Variants in BRSK2 observed in about 807,000 individuals in gnomAD.
BRSK2 encodes serine/threonine-protein kinase BRSK2.
Under a neutral mutation model 83.3 loss-of-function variants are expected in BRSK2, and 19 were observed. The ratio of observed to expected loss-of-function variants is 0.23; its 90% CI spans 0.16 to 0.33. The LOEUF (loss-of-function observed/expected upper bound fraction) is 0.33. Ranked by LOEUF, BRSK2 falls within the 10% of genes least tolerant of loss-of-function variation. The pLI is 1.00. For missense variants in BRSK2, 798 were observed against 1,042.3 expected, an observed-to-expected ratio of 0.77 and a Z score of 3.23; for synonymous variants, 519 against 435.4, an observed-to-expected ratio of 1.19 and a Z score of -2.39.
intron 1 of BRSK2, among the ~76,000 whole-genome samples, chr11:1,404,816 G>C (rs925979634): frequency 6.6e-6 from 1 of 152,196 alleles, no homozygotes; most frequent in Non-Finnish European, 1.5e-5. Context: ...TTACTGCTGC[G>C]ACGGCTCCTC....
At chr11:1,424,407 G>A (rs117464185) in intron 1 of BRSK2, among the ~76,000 whole-genome samples, 3,608 of 152,318 alleles carry the variant, frequency 0.024, 56 homozygotes, top group Non-Finnish European at 0.033. Flanking sequence ...GTGTCCTGCC[G>A]GGGTGGCCCC....
intron 1 of BRSK2, among the ~76,000 whole-genome samples, chr11:1,407,988 G>A (rs1847022637): frequency 1.3e-5 from 2 of 152,234 alleles, no homozygotes; most frequent in African/African-American, 4.8e-5. Flanking sequence ...GCTAGAGGGG[G>A]CAGGGGCTGC....
intron 1 of BRSK2, among the ~76,000 whole-genome samples, chr11:1,435,297 G>C (rs866461745): frequency 0.028 from 104 of 3,736 alleles, 1 homozygote; most frequent in Non-Finnish European, 0.04. Flanking sequence ...CTCGGCGGAG[G>C]AGGGGTGCCG....
chr11:1,412,614 C>T (rs1375169042), intron 1 of BRSK2, among the ~76,000 whole-genome samples: 1 of 152,150 alleles, frequency 6.6e-6, no homozygotes, highest in African/African-American at 2.4e-5. Context: ...GAGACAGGGT[C>T]GGGTTGCGGG....
chr11:1,443,277 C>G (rs1851602990), intron 6 of BRSK2, 58 bp from the exon 7 acceptor site: 1 of 1,548,462 alleles, frequency 6.5e-7, no homozygotes, highest in Non-Finnish European at 8.7e-7. Flanking sequence ...AGCCCAGGCC[C>G]TCCAAGGCCC....
chr11:1,461,156 A>T lies in BRSK2; in HGVS notation c.*433A>T. Reference sequence around the variant, plus strand: ...CCGCACGGCCCGTGGGAGGAAGGCCAGGCTCGGGGGAGCCTCCTCCAGCCC... The same window carrying T: ...CCGCACGGCCCGTGGGAGGAAGGCCTGGCTCGGGGGAGCCTCCTCCAGCCC... On this transcript the variant is annotated 3_prime_UTR_variant, in exon 20 of 20. Coordinates refer to ENST00000528841, the MANE Select transcript of BRSK2 (RefSeq NM_001256627.2). The T allele has an allele frequency of 9.3e-7, 1 of 1,069,862 alleles. No homozygotes were observed. Among genetic ancestry groups the T allele is most frequent in the Non-Finnish European group, 1.3e-6 (1 of 767,292 alleles). 66.3% of individuals were successfully genotyped at this position (1,069,862 alleles called of 1,614,324 possible). A position where few individuals can be genotyped will look rare whatever the true frequency, so the allele number is the denominator to read the frequency against.
At chr11:1,449,648 C>G in intron 12 of BRSK2, 128 bp from the exon 13 acceptor site, 1 of 740,798 alleles carries the variant, frequency 1.3e-6, no homozygotes, top group Non-Finnish European at 2.2e-6. Flanking sequence ...CAGCAGGACC[C>G]AGGGCCTCGA....
chr11:1,442,659 A>C, intron 5 of BRSK2, 53 bp downstream of exon 5: 1 of 1,459,832 alleles, frequency 6.9e-7, no homozygotes, highest in Admixed American at 1.7e-5. Flanking sequence ...GGGCTGGGGG[A>C]AGAGGAGCCA....
chr11:1,459,582 T>C, intron 19 of BRSK2: 2 of 339,804 alleles, frequency 5.9e-6, no homozygotes, highest in Non-Finnish European at 1.1e-5. Flanking sequence ...TGCCCATCCC[T>C]CTGTCCACTG....
Position 1,460,707 on chromosome 11 carries a change from G to A in BRSK2, c.2195G>A (p.Arg732His), listed in dbSNP as rs778682975. ...GCCAAGATGGGCCCGCCCACCGCCCGCCGCGAGCAGCCTTAGACACACTAG... is the reference window on the plus strand; with the variant it reads ...GCCAAGATGGGCCCGCCCACCGCCCACCGCGAGCAGCCTTAGACACACTAG... ...DTAKMGPPTA[R>H]REQP Residue 732 changes from arginine to histidine, a missense_variant, in exon 20 of 20, where the codon CGC becomes CAC. Coordinates refer to ENST00000528841, the MANE Select transcript of BRSK2 (RefSeq NM_001256627.2). 1.7e-4 allele frequency: 246 copies of A among 1,452,778 alleles called. 2 individuals carry two copies. The Middle Eastern group carries it at 2.2e-3, about 13-fold the overall frequency. 90.0% of individuals were successfully genotyped at this position (1,452,778 alleles called of 1,614,324 possible).
intron 19 of BRSK2, 74 bp from the exon 20 acceptor site, chr11:1,460,426 C>A: frequency 2.1e-6 from 2 of 968,802 alleles, no homozygotes; most frequent in Non-Finnish European, 1.4e-6. Context: ...CCTTCCCTCC[C>A]CTCCTCTTTC....
intron 6 of BRSK2, 97 bp from the exon 7 acceptor site, chr11:1,443,238 G>T: frequency 6.6e-7 from 1 of 1,519,698 alleles, no homozygotes. Flanking sequence ...GTGCTGCTAG[G>T]CTGCCTGTCC....
intron 1 of BRSK2, among the ~76,000 whole-genome samples, chr11:1,426,643 C>T (rs1849262850): frequency 6.6e-6 from 1 of 152,106 alleles, no homozygotes; most frequent in South Asian, 2.1e-4. Flanking sequence ...GGTGAAGGTG[C>T]CCCGTGTCTT....
In BRSK2 at chr11:1,395,556, C is replaced by T. The variant is rs376933623; in HGVS notation, c.91+5181C>T. On this transcript the variant is annotated intron_variant, in intron 1 of 19. Coordinates refer to ENST00000528841, the MANE Select transcript of BRSK2 (RefSeq NM_001256627.2). ...GGACGGCAGTTCCCCTAGGCGGGGG[C>T]GGGAGGGTCGTTGGAGGCGGGAGCC... 1.3e-3 allele frequency among the ~76,000 whole-genome samples: 204 copies of T among 152,210 alleles called. 2 individuals are homozygous for T. In the East Asian group the frequency reaches 0.026, roughly 19 times the overall value.
rs941131991 is a variant in BRSK2 at position 1,461,161 on chromosome 11, C to T, written c.*438C>T. Reference sequence around the variant, plus strand: ...CGGCCCGTGGGAGGAAGGCCAGGCTCGGGGGAGCCTCCTCCAGCCCGGCCG... The same window carrying T: ...CGGCCCGTGGGAGGAAGGCCAGGCTTGGGGGAGCCTCCTCCAGCCCGGCCG... On this transcript the variant is annotated 3_prime_UTR_variant, in exon 20 of 20. Transcript: ENST00000528841. 6.1e-5 allele frequency: 62 copies of T among 1,014,192 alleles called. No individual in the cohort carries two copies. Among genetic ancestry groups the T allele is most frequent in the Non-Finnish European group, 7.4e-5 (53 of 719,298 alleles). 62.8% of individuals were successfully genotyped at this position (1,014,192 alleles called of 1,614,324 possible). A position where few individuals can be genotyped will look rare whatever the true frequency, so the allele number is the denominator to read the frequency against.
intron 16 of BRSK2, among the ~76,000 whole-genome samples, chr11:1,456,132 C>T (rs570409623): frequency 1.3e-5 from 2 of 152,332 alleles, no homozygotes; most frequent in Admixed American, 6.5e-5. Context: ...TAGCTGTGCC[C>T]GCTAAGTGGA....
Position 1,390,620 on chromosome 11 carries a change from G to T in BRSK2, c.91+245G>T, listed in dbSNP as rs1409367184. On this transcript the variant is annotated intron_variant, in intron 1 of 19. Coordinates refer to ENST00000528841, the MANE Select transcript of BRSK2 (RefSeq NM_001256627.2). This position sits in a 1 kb window ranked among gnomAD's most constrained non-coding sequence, Gnocchi z 6.8. ...GGACACGCGGCGCGGCGCGGGGCGC[G>T]CAGGCGGACAGGGGCGCACGGGACG... 1.4e-5 allele frequency among the ~76,000 whole-genome samples: 2 copies of T among 146,736 alleles called. No individual in the cohort carries two copies. Among genetic ancestry groups the T allele is most frequent in the East Asian group, 2.0e-4 (1 of 5,056 alleles).
chr11:1,444,795 G>A (rs911907939), intron 8 of BRSK2, among the ~76,000 whole-genome samples, 176 bp from the exon 9 acceptor site: 2 of 151,834 alleles, frequency 1.3e-5, no homozygotes, highest in African/African-American at 4.8e-5. Context: ...CTGGCCTTGA[G>A]CCTCTGGGAA....
chr11:1,442,380 G>GT, intron 4 of BRSK2, 110 bp from the exon 5 acceptor site: 2 of 761,130 alleles, frequency 2.6e-6, no homozygotes, highest in South Asian at 3.0e-5. Context: ...TGGCCCTTAT[G>GT]TGTGATTGGC....
Sources: allele counts gnomAD v4.1 joint callset (sites outside exome capture counted in the v4.1 genomes callset), GRCh38; gene constraint gnomAD v4.1.1; non-coding constraint Gnocchi (gnomAD v3.1); transcripts MANE v1.5; gene names NCBI Gene and HGNC (gene_info 2026-07-23, HGNC 2026-07-21).